Variants in DIP2C observed in about 807,000 individuals in gnomAD.
DIP2C encodes disco-interacting protein 2 homolog C.
DIP2C carries 33 observed loss-of-function variants against 192.4 expected under a neutral mutation model. That is an observed-to-expected ratio of 0.17 (90% CI 0.13 to 0.23). DIP2C has a LOEUF of 0.23. Among genes scored for constraint, DIP2C ranks in the 10% least tolerant of loss-of-function variants. DIP2C has a pLI of 1.00. For missense variants in DIP2C, 1,537 were observed against 2,110.1 expected, an observed-to-expected ratio of 0.73 and a Z score of 5.32; for synonymous variants, 979 against 864.1, an observed-to-expected ratio of 1.13 and a Z score of -2.33.
chr10:490,884 T>C (rs186234391), intron 1 of DIP2C, among the ~76,000 whole-genome samples: 1 of 152,312 alleles, frequency 6.6e-6, no homozygotes, highest in East Asian at 1.9e-4. Flanking sequence ...AAAACCCCAG[T>C]GAGGCAAAGT....
intron 33 of DIP2C, among the ~76,000 whole-genome samples, chr10:287,080 T>C (rs1181150151): frequency 6.6e-6 from 1 of 152,160 alleles, no homozygotes; most frequent in Non-Finnish European, 1.5e-5. Flanking sequence ...TCTTTTACTG[T>C]AATAGATGTC....
chr10:550,783 G>C (rs1181380898), intron 1 of DIP2C, among the ~76,000 whole-genome samples: 1 of 152,202 alleles, frequency 6.6e-6, no homozygotes, highest in African/African-American at 2.4e-5. Context: ...CAATAAACAA[G>C]CATCCCTTGA....
chr10:574,826 G>T (rs559163481), intron 1 of DIP2C, among the ~76,000 whole-genome samples: 1 of 152,172 alleles, frequency 6.6e-6, no homozygotes, highest in Non-Finnish European at 1.5e-5. Context: ...ATCGCAACGC[G>T]GTTTCCTGTT....
chr10:541,267 A>G (rs567554351), intron 1 of DIP2C, among the ~76,000 whole-genome samples: 1 of 152,274 alleles, frequency 6.6e-6, no homozygotes, highest in South Asian at 2.1e-4. Flanking sequence ...TGTCACAGAC[A>G]CACACACCCT....
At chr10:520,894 T>G (rs996769356) in intron 1 of DIP2C, among the ~76,000 whole-genome samples, 1 of 152,246 alleles carries the variant, frequency 6.6e-6, no homozygotes, top group Non-Finnish European at 1.5e-5. Flanking sequence ...ATCAATACTT[T>G]TAAAGTCATA....
chr10:493,456 G>A lies in DIP2C; in HGVS notation c.86-6926C>T, dbSNP rs117845931. Among the ~76,000 whole-genome samples, 36 of 152,274 alleles carry A rather than the reference G, an allele frequency of 2.4e-4. No homozygotes were observed. The East Asian group carries it at 6.6e-3, about 28-fold the overall frequency. On this transcript the variant is annotated intron_variant, in intron 1 of 36. Coordinates refer to ENST00000280886, the MANE Select transcript of DIP2C (RefSeq NM_014974.3). Reference sequence around the variant, plus strand: ...TTTACATTTTTTGGTGTTGGGGGGAGCGAGAAGGGGCAAGGTAGGGACAAT... The same window carrying A: ...TTTACATTTTTTGGTGTTGGGGGGAACGAGAAGGGGCAAGGTAGGGACAAT...
intron 29 of DIP2C, among the ~76,000 whole-genome samples, chr10:337,177 G>A (rs1284373099): frequency 2.0e-5 from 3 of 147,034 alleles, no homozygotes; most frequent in East Asian, 2.1e-4. Context: ...GTGTGCATGC[G>A]TGTGGTGGAG....
chr10:317,441 T>G (rs1042464569), intron 31 of DIP2C, among the ~76,000 whole-genome samples: 1 of 152,224 alleles, frequency 6.6e-6, no homozygotes, highest in African/African-American at 2.4e-5. Flanking sequence ...TCTGACACTT[T>G]AGAGAGAGGG....
At position 620,223 on chromosome 10, in the gene DIP2C, C is replaced by T. The variant is rs921055039; in HGVS notation, c.85+69271G>A. Among the ~76,000 whole-genome samples the T allele has an allele frequency of 3.9e-5, 6 of 152,214 alleles. No homozygotes were observed. In the East Asian group the frequency reaches 9.7e-4, roughly 24 times the overall value. On this transcript the variant is annotated intron_variant, in intron 1 of 36. Coordinates refer to ENST00000280886, the MANE Select transcript of DIP2C (RefSeq NM_014974.3). ...TTCAATTTTTATGGCTTTTTTCTGC[C>T]TATCTATTTTATGGGAGTGTTTCTT...
At chr10:311,840 G>A (rs1956579912) in intron 31 of DIP2C, among the ~76,000 whole-genome samples, 1 of 152,216 alleles carries the variant, frequency 6.6e-6, no homozygotes, top group South Asian at 2.1e-4. Context: ...ACAGAAGAGG[G>A]TGTAGCAGGT....
chr10:469,154 G>A lies in DIP2C; in HGVS notation c.268+3285C>T, dbSNP rs528439583. Among the ~76,000 whole-genome samples the A allele has an allele frequency of 1.2e-4, 18 of 152,152 alleles. No individual in the cohort carries two copies. The South Asian group carries it at 2.9e-3, about 25-fold the overall frequency. On this transcript the variant is annotated intron_variant, in intron 3 of 36. Coordinates refer to ENST00000280886, the MANE Select transcript of DIP2C (RefSeq NM_014974.3). ...TGCAGGTGCATAAGCTGGACATCTC[G>A]GAGTCACTCTGGGTGCAGAATCGGA...
intron 26 of DIP2C, among the ~76,000 whole-genome samples, chr10:347,767 C>A (rs1958573705): frequency 6.9e-6 from 1 of 144,238 alleles, no homozygotes; most frequent in Non-Finnish European, 1.5e-5. Context: ...ACACCCAACC[C>A]AGACACATCG....
chr10:662,044 G>A (rs890405361), intron 1 of DIP2C: 23 of 716,348 alleles, frequency 3.2e-5, no homozygotes, highest in African/African-American at 1.7e-4. Flanking sequence ...CCTGTCCCCC[G>A]TGGCTCCACA....
chr10:418,154 A>G (rs79962064), intron 6 of DIP2C, among the ~76,000 whole-genome samples: 302 of 26,018 alleles, frequency 0.012, 21 homozygotes, highest in Middle Eastern at 0.05. Flanking sequence ...CACCTGTCAG[A>G]GCTCGGACAG....
At chr10:502,428 T>C (rs557201045) in intron 1 of DIP2C, among the ~76,000 whole-genome samples, 3 of 152,254 alleles carry the variant, frequency 2.0e-5, no homozygotes, top group East Asian at 3.9e-4. Context: ...AGTAAGCTCA[T>C]AGGACGAAAG....
intron 5 of DIP2C, among the ~76,000 whole-genome samples, chr10:421,494 T>G (rs1333649526): frequency 6.6e-6 from 1 of 152,100 alleles, no homozygotes; most frequent in Non-Finnish European, 1.5e-5. Flanking sequence ...TATCCTGGGA[T>G]CCAATATACA....
chr10:497,254 A>G (rs138728899), intron 1 of DIP2C, among the ~76,000 whole-genome samples: 6 of 152,338 alleles, frequency 3.9e-5, no homozygotes, highest in African/African-American at 1.4e-4. Flanking sequence ...AGAACAGGTT[A>G]GGCCATTCTT....
chr10:324,700 T>C lies in DIP2C; in HGVS notation c.3924+2306A>G, dbSNP rs1031465142. The C allele has an allele frequency of 1.3e-4, 33 of 248,296 alleles. 1 individual carries two copies. In the Middle Eastern group the frequency reaches 2.2e-3, roughly 17 times the overall value. The allele number at this position is 248,296 out of a possible 1,614,324, so 15.4% of individuals were successfully genotyped here. On this transcript the variant is annotated intron_variant, in intron 31 of 36. Coordinates refer to ENST00000280886, the MANE Select transcript of DIP2C (RefSeq NM_014974.3). ...CAGAATTGTCTTCTGCACAAGAACA[T>C]ATTGCCATTTCCTATTAAGAATACA...
chr10:341,268 G>A lies in DIP2C; in HGVS notation c.3515C>T (p.Pro1172Leu). Residue 1172 changes from proline (P) to leucine (L), a missense_variant, in exon 29 of 37, where the codon CCC becomes CTC. Around this residue, in one of 4 missense-constraint regions of DIP2C, gnomAD observed 341 missense variants for 551.7 expected, o/e 0.62. Coordinates refer to ENST00000280886, the MANE Select transcript of DIP2C (RefSeq NM_014974.3). ...CAGGCAGATGGCCACTTCTCTAGAG[G>A]GGTAAAGTTCACACTGCAGCTTAAT... ...RSIKLQCELY[P>L]SREVAICLDP... 1 of 1,614,210 alleles carries A rather than the reference G, an allele frequency of 6.2e-7. No homozygotes were observed. Among genetic ancestry groups the A allele is most frequent in the South Asian group, 1.1e-5 (1 of 91,078 alleles).
Sources: allele counts gnomAD v4.1 joint callset (sites outside exome capture counted in the v4.1 genomes callset), GRCh38; gene constraint gnomAD v4.1.1; regional missense constraint gnomAD v4.1.1; transcripts MANE v1.5; gene names NCBI Gene and HGNC (gene_info 2026-07-23, HGNC 2026-07-21).